Variants in MUC17 observed in about 807,000 individuals in gnomAD.
The protein encoded by MUC17 is mucin 17, cell surface associated.
Under a neutral mutation model 170.3 loss-of-function variants are expected in MUC17, and 190 were observed. The ratio of observed to expected loss-of-function variants is 1.12; its 90% CI spans 0.99 to 1.26. The LOEUF (loss-of-function observed/expected upper bound fraction) is 1.26, where lower values mean the gene tolerates loss of function less well. MUC17 is among the 50% of genes most tolerant of loss of function. MUC17 has a pLI of 0.00. For missense variants in MUC17, 6,415 were observed against 5,530.0 expected, an observed-to-expected ratio of 1.16 and a Z score of -5.08; for synonymous variants, 2,325 against 2,002.5, an observed-to-expected ratio of 1.16 and a Z score of -4.30.
chr7:101,031,057 G>T (rs1424176275), intron 1 of MUC17, 63 bp from the exon 2 acceptor site: 2 of 1,535,472 alleles, frequency 1.3e-6, no homozygotes, highest in African/African-American at 2.7e-5. Context: ...GAGACTCAGA[G>T]TCTTCAAGAG....
chr7:101,049,200 C>T lies in MUC17; in HGVS notation c.12664-124C>T, dbSNP rs1383007458. ...AGCAGGTCTCTGGAAAGAAACCACT[C>T]CATTTGATGAGTGTGCTATGATGCT... On this transcript the variant is annotated intron_variant, in intron 5 of 12. Transcript: ENST00000306151. The T allele has an allele frequency of 4.1e-5, 60 of 1,476,532 alleles. No homozygotes were observed. In the East Asian group the frequency reaches 6.1e-4, roughly 15 times the overall value. 91.5% of individuals were successfully genotyped at this position (1,476,532 alleles called of 1,614,324 possible). A position where few individuals can be genotyped will look rare whatever the true frequency, so the allele number is the denominator to read the frequency against.
In MUC17 at chr7:101,035,857, G is replaced by A; in HGVS notation, c.4441G>A (p.Asp1481Asn). 1 of 1,601,378 alleles carries A rather than the reference G, an allele frequency of 6.2e-7. No individual in the cohort carries two copies. Residue 1481 changes from aspartate to asparagine, a missense_variant, in exon 3 of 13, where the codon GAC becomes AAC. Physicochemically the swap from Asp to Asn is conservative, Grantham distance 23. Transcript: ENST00000306151. ...TAGCACCCTTTCAACAACTCCTGTT[G>A]ACTCTAACAGTCCTGTGGTCACTTC... ...EASTLSTTPVDSNSPVVTSTA... is the reference protein window; with the variant it reads ...EASTLSTTPVNSNSPVVTSTA...
chr7:101,048,261 T>A (rs1794877211), intron 4 of MUC17, 146 bp downstream of exon 4: 5 of 791,184 alleles, frequency 6.3e-6, no homozygotes, highest in Non-Finnish European at 8.9e-6. Context: ...TGTTTTGTTT[T>A]GTTTCCACCC....
chr7:101,023,172 C>T (rs75963767), intron 1 of MUC17, among the ~76,000 whole-genome samples: 3 of 152,138 alleles, frequency 2.0e-5, no homozygotes, highest in African/African-American at 4.8e-5. Context: ...TACTTCATCT[C>T]GCTGTGGGTG....
At chr7:101,031,044 G>A (rs1794269613) in intron 1 of MUC17, 76 bp from the exon 2 acceptor site, 1 of 1,494,912 alleles carries the variant, frequency 6.7e-7, no homozygotes, top group Non-Finnish European at 9.0e-7. Context: ...AGGGCAGGGA[G>A]TAGAGACTCA....
In MUC17 at chr7:101,033,880, G is replaced by T. The variant is rs145653913; in HGVS notation, c.2464G>T (p.Glu822Ter). ...CAGCATCACACCGGTGACCAGTCCT[G>T]AGGCTAGCACCCTTTCAACAACTCC... The part of the protein sequence containing the change: ...PVSITPVTSP[E>*]ASTLSTTPVD... Residue 822 changes from glutamate (E) to a stop codon, truncating the protein, a stop_gained, in exon 3 of 13, where the codon GAG becomes TAG. Transcript: ENST00000306151. LOFTEE classifies it high-confidence loss of function. The T allele has an allele frequency of 1.0e-4, 162 of 1,613,540 alleles. No individual in the cohort carries two copies. Among genetic ancestry groups the T allele is most frequent in the Middle Eastern group, 1.6e-4 (1 of 6,082 alleles).
At chr7:101,031,451 C>T (rs1445265352) in intron 2 of MUC17, 150 bp from the exon 3 acceptor site, 4 of 1,054,012 alleles carry the variant, frequency 3.8e-6, no homozygotes, top group Non-Finnish European at 5.3e-6. Flanking sequence ...GAGACTAACA[C>T]ACTGGAGAAA....
In MUC17 at chr7:101,036,234, T is replaced by C. The variant is rs141533166; in HGVS notation, c.4818T>C (p.Ala1606=). ...TTGACTCCAAAACTCAGGTGACCGCTTCTACTGAAGCCAGTTCATCTACAA... is the reference window on the plus strand; with the variant it reads ...TTGACTCCAAAACTCAGGTGACCGCCTCTACTGAAGCCAGTTCATCTACAA... ...TPIDSKTQVT[A]STEASSSTTA... Residue 1606 remains alanine, a synonymous_variant, in exon 3 of 13, where the codon GCT becomes GCC. Transcript: ENST00000306151. The C allele has an allele frequency of 7.4e-6, 12 of 1,613,884 alleles. No homozygotes were observed. Among genetic ancestry groups the C allele is most frequent in the East Asian group, 6.7e-5 (3 of 44,864 alleles).
Position 101,032,256 on chromosome 7 carries a change from G to A in MUC17, c.840G>A (p.Met280Ile), listed in dbSNP as rs1399671509. The change falls in exon 3 of 13, where the codon ATG becomes ATA. Residue 280 changes from methionine (M) to isoleucine (I), a missense_variant. Transcript: ENST00000306151. ...PSGGSTPLTRMPLSVMLVVSS... is the reference protein window; with the variant it reads ...PSGGSTPLTRIPLSVMLVVSS... ...GAGGAAGCACTCCATTAACAAGAAT[G>A]CCTCTCAGCGTGATGCTGGTGGTCA... The A allele has an allele frequency of 6.2e-7, 1 of 1,613,918 alleles. No individual in the cohort carries two copies. Among genetic ancestry groups the A allele is most frequent in the Non-Finnish European group, 8.5e-7 (1 of 1,179,876 alleles).
chr7:101,035,947 G>A lies in MUC17; in HGVS notation c.4531G>A (p.Glu1511Lys). ...CAGCATAGCAATCTCAACGCCTAGT[G>A]AAGGAAGCACTGCATTAACAAGTAT... ...GTSIAISTPSEGSTALTSIPV... is the reference protein window; with the variant it reads ...GTSIAISTPSKGSTALTSIPV... The change falls in exon 3 of 13, where the codon GAA becomes AAA. Residue 1511 changes from glutamate to lysine, a missense_variant. Transcript: ENST00000306151. 10 of 1,612,820 alleles carry A rather than the reference G, an allele frequency of 6.2e-6. No individual in the cohort carries two copies. Among genetic ancestry groups the A allele is most frequent in the Non-Finnish European group, 7.6e-6 (9 of 1,179,278 alleles).
chr7:101,054,621 G>C (rs138340005), intron 11 of MUC17, among the ~76,000 whole-genome samples: 1,912 of 152,112 alleles, frequency 0.013, 21 homozygotes, highest in Non-Finnish European at 0.019. Flanking sequence ...TTGAGGCCAG[G>C]AGTTCAAGAC....
chr7:101,037,288 A>T lies in MUC17; in HGVS notation c.5872A>T (p.Thr1958Ser), dbSNP rs756282785. 6.2e-7 allele frequency: 1 copy of T among 1,613,400 alleles called. No homozygotes were observed. The highest frequency in any genetic ancestry group is 1.1e-5 in the South Asian group (1 of 90,998). The change falls in exon 3 of 13, where the codon ACC (threonine) becomes TCC (serine). Residue 1958 changes from threonine (T) to serine (S), a missense_variant. Thr to Ser is a moderately conservative substitution (Grantham distance 58). Coordinates refer to ENST00000306151, the MANE Select transcript of MUC17 (RefSeq NM_001040105.2). ...TCTTGCTGACACCAGGACACCTGTG[A>T]CCACTTATTCTCAAGCCAGTTCATC... The part of the protein sequence containing the change: ...TTLADTRTPV[T>S]TYSQASSSPT...
Position 101,050,507 on chromosome 7 carries a change from A to G in MUC17, c.12746A>G (p.His4249Arg). 6.2e-7 allele frequency: 1 copy of G among 1,613,990 alleles called. No individual in the cohort carries two copies. Among genetic ancestry groups the G allele is most frequent in the Non-Finnish European group, 8.5e-7 (1 of 1,179,906 alleles). ...AGTCTTGGCAGTGTGGTGGTGGAGC[A>G]TGACGTCCTCCTAAGAACCAAGTAC... The part of the protein sequence containing the change: ...KLRLGSVVVE[H>R]DVLLRTKYTP... Residue 4249 changes from histidine (H) to arginine (R), a missense_variant, in exon 7 of 13, where the codon CAT becomes CGT. Coordinates refer to ENST00000306151, the MANE Select transcript of MUC17 (RefSeq NM_001040105.2).
chr7:101,020,367 ACTTCT>A (rs1389075883), intron 1 of MUC17, 150 bp downstream of exon 1: 5 of 519,170 alleles, frequency 9.6e-6, no homozygotes, highest in African/African-American at 6.0e-5. Flanking sequence ...TACCCCCTGG[ACTTCT>A]CTTCTCTCCC....
chr7:101,037,909 A>G lies in MUC17; in HGVS notation c.6493A>G (p.Ser2165Gly), dbSNP rs1462118185. Residue 2165 changes from serine (S) to glycine (G), a missense_variant, in exon 3 of 13, where the codon AGT (serine) becomes GGT (glycine). Physicochemically the swap from Ser to Gly is moderately conservative, Grantham distance 56. Transcript: ENST00000306151. ...TYSDRRTPLT[S>G]MPVSTTVVAS... ...TAGTGACAGAAGAACTCCTTTAACA[A>G]GTATGCCTGTCAGCACCACAGTGGT... is the stretch of plus-strand genomic sequence containing the variant. The G allele has an allele frequency of 1.2e-6, 2 of 1,609,072 alleles. No individual in the cohort carries two copies. The highest frequency in any genetic ancestry group is 1.7e-6 in the Non-Finnish European group (2 of 1,177,214).
rs746725859 is a variant in MUC17, at chr7:101,033,212, CT to C, written c.1800del (p.Phe600LeufsTer2). On this transcript the variant is annotated frameshift_variant, in exon 3 of 13. Transcript: ENST00000306151. LOFTEE classifies it high-confidence loss of function. ...TCAACAACTCCTGCTGACTCCAACA[CT>C]TTTGTGACCACTTCTAGTGAAGCTA... is the stretch of plus-strand genomic sequence containing the variant. The part of the protein sequence containing the change: ...TTSTTPADSN[T>X]FVTTSSEASS... 13 of 1,613,986 alleles carry C rather than the reference CT, an allele frequency of 8.1e-6. No individual in the cohort carries two copies. The highest frequency in any genetic ancestry group is 1.6e-4 in the Middle Eastern group (1 of 6,082).
rs1562803575 is a variant in MUC17, at chr7:101,032,189, C to T, written c.773C>T (p.Thr258Ile). 5 of 1,614,226 alleles carry T rather than the reference C, an allele frequency of 3.1e-6. No homozygotes were observed. The highest frequency in any genetic ancestry group is 4.2e-6 in the Non-Finnish European group (5 of 1,180,028). Residue 258 changes from threonine to isoleucine, a missense_variant, in exon 3 of 13, where the codon ACA becomes ATA. Thr to Ile is a moderately conservative substitution (Grantham distance 89). Coordinates refer to ENST00000306151, the MANE Select transcript of MUC17 (RefSeq NM_001040105.2). ...TISAQASSSP[T>I]TAEGPSLSNS... ...TCTGCTCAAGCCAGTTCATCTCCTA[C>T]AACTGCTGAAGGTCCCAGCCTGTCA...
chr7:101,042,584 C>T lies in MUC17; in HGVS notation c.11168C>T (p.Thr3723Ile), dbSNP rs1562818904. ...TLSTPSVVTS[T>I]PVTTSTEAIS... ...TCAACACCTTCTGTTGTCACCAGCA[C>T]ACCTGTGACCACTTCTACTGAAGCC... Residue 3723 changes from threonine (T) to isoleucine (I), a missense_variant, in exon 3 of 13, where the codon ACA (threonine) becomes ATA (isoleucine). Transcript: ENST00000306151. The T allele has an allele frequency of 3.1e-6, 5 of 1,614,164 alleles. No homozygotes were observed. The highest frequency in any genetic ancestry group is 1.7e-5 in the Admixed American group (1 of 60,036).
chr7:101,056,516 C>T (rs935096649), intron 12 of MUC17, among the ~76,000 whole-genome samples: 5 of 152,202 alleles, frequency 3.3e-5, no homozygotes, highest in Non-Finnish European at 7.3e-5. Flanking sequence ...TCCTTCCCTA[C>T]TCTAAGTACA....
Sources: allele counts gnomAD v4.1 joint callset (sites outside exome capture counted in the v4.1 genomes callset), GRCh38; gene constraint gnomAD v4.1.1; transcripts MANE v1.5; gene names NCBI Gene and HGNC (gene_info 2026-07-23, HGNC 2026-07-21).